The following SHPRH variants were observed in gnomAD, a reference collection of about 807,000 sequenced individuals.
SHPRH encodes SNF2 histone linker PHD RING helicase, also known as E3 ubiquitin-protein ligase SHPRH.
A neutral mutation model predicts 202.5 loss-of-function variants in SHPRH; 106 were observed. The ratio of observed to expected loss-of-function variants is 0.52; its 90% CI spans 0.45 to 0.62. SHPRH has a LOEUF of 0.62. Ranked by LOEUF, SHPRH falls within the 20% of genes least tolerant of loss-of-function variation. The pLI is 0.00. For missense variants in SHPRH, 1,710 were observed against 2,020.0 expected (o/e 0.85, Z 2.94); for synonymous variants, 729 against 686.0 (o/e 1.06, Z -0.98).
At chr6:145,961,159 A>G (rs1030833766) in intron 1 of SHPRH, among the ~76,000 whole-genome samples, 4 of 152,164 alleles carry the variant, frequency 2.6e-5, no homozygotes, top group African/African-American at 9.7e-5. Flanking sequence ...GCTCTAAACC[A>G]CATTTCACAA....
Position 145,934,777 on chromosome 6 carries a change from C to T in SHPRH, c.2990+130G>A, listed in dbSNP as rs1361449096. ...CTCCGTTGCAAATGAGCTTCCATAC[C>T]AAAGAAAACCCTCTACACCATTAAA... On this transcript the variant is annotated intron_variant, in intron 13 of 29. Coordinates refer to ENST00000275233, the MANE Select transcript of SHPRH (RefSeq NM_001042683.3). The T allele has an allele frequency of 1.1e-5, 9 of 825,142 alleles. No individual in the cohort carries two copies. The East Asian group carries it at 2.1e-4, about 19-fold the overall frequency. The allele number at this position is 825,142 out of a possible 1,614,324, so 51.1% of individuals were successfully genotyped here.
chr6:145,867,629 TATAG>T (rs1388096745), intron 2 of SHPRH, among the ~76,000 whole-genome samples: 226 of 43,874 alleles, frequency 5.2e-3, no homozygotes, highest in African/African-American at 7.0e-3. Flanking sequence ...TATATATATA[TATAG>T]AGAGAGAGAG....
At chr6:145,897,496 A>G (rs981826012) in intron 25 of SHPRH, among the ~76,000 whole-genome samples, 2 of 152,168 alleles carry the variant, frequency 1.3e-5, no homozygotes, top group Admixed American at 6.6e-5. Flanking sequence ...TTGAACTTTT[A>G]TAAAAAACTG....
chr6:145,963,197 G>C (rs937641432), intron 1 of SHPRH, among the ~76,000 whole-genome samples: 4 of 152,180 alleles, frequency 2.6e-5, no homozygotes, highest in Non-Finnish European at 5.9e-5. Flanking sequence ...TCTCCAGCAT[G>C]TTTACTAATC....
chr6:145,874,232 A>AT (rs1441580784), intron 2 of SHPRH, among the ~76,000 whole-genome samples: 44 of 150,044 alleles, frequency 2.9e-4, no homozygotes, highest in African/African-American at 1.0e-3. Context: ...AATAATAATA[A>AT]TAATAATGTG....
chr6:145,945,639 TAAATGTAA>T lies in SHPRH; in HGVS notation c.1322-10_1322-3del. 6.2e-7 allele frequency: 1 copy of T among 1,600,360 alleles called. No homozygotes were observed. The highest frequency in any genetic ancestry group is 8.5e-7 in the Non-Finnish European group (1 of 1,175,270). On this transcript the variant is annotated splice_region_variant and splice_polypyrimidine_tract_variant and intron_variant, in intron 7 of 29. Coordinates refer to ENST00000275233, the MANE Select transcript of SHPRH (RefSeq NM_001042683.3). ...CTGTCAGTATCATCACACGTGTAGC[TAAATGTAA>T]AAGGATATGCTAAATCAGTCAAAAT...
At chr6:145,896,814 A>C (rs541604525) in intron 25 of SHPRH, among the ~76,000 whole-genome samples, 2 of 152,236 alleles carry the variant, frequency 1.3e-5, no homozygotes, top group African/African-American at 4.8e-5. Context: ...TCAATGAAGC[A>C]ATTAAAAGGA....
chr6:145,907,298 A>AC (rs1290753394), intron 25 of SHPRH: 2 of 151,840 alleles, frequency 1.3e-5, no homozygotes, highest in African/African-American at 4.8e-5. Context: ...GAATATACCC[A>AC]CTTCTCTCCA....
At chr6:145,913,600 A>C (rs1456682931) in intron 23 of SHPRH, 51 bp from the exon 24 acceptor site, 1 of 1,481,720 alleles carries the variant, frequency 6.7e-7, no homozygotes, top group African/African-American at 1.4e-5. Context: ...TACATATAAA[A>C]CCTGATATAT....
intron 15 of SHPRH, 68 bp downstream of exon 15, chr6:145,927,121 C>T (rs995397277): frequency 2.1e-6 from 3 of 1,405,756 alleles, no homozygotes; most frequent in Non-Finnish European, 3.0e-6. Context: ...TCCTCTTAAA[C>T]ATTCAGAAAA....
intron 23 of SHPRH, among the ~76,000 whole-genome samples, chr6:145,916,086 C>A (rs1783926576): frequency 6.6e-6 from 1 of 151,990 alleles, no homozygotes; most frequent in African/African-American, 2.4e-5. Flanking sequence ...TTGTACTGTA[C>A]TTGAGTTCAT....
intron 28 of SHPRH, 108 bp from the exon 29 acceptor site, chr6:145,888,208 G>T: frequency 1.4e-6 from 1 of 731,610 alleles, no homozygotes. Context: ...GTGCCCACTT[G>T]TGGCAGGTGC....
chr6:145,914,294 T>C (rs1027263637), intron 23 of SHPRH, among the ~76,000 whole-genome samples: 2 of 152,138 alleles, frequency 1.3e-5, no homozygotes. Flanking sequence ...CTTTTTGAGA[T>C]AGTCTCATGG....
chr6:145,949,653 A>G (rs756936470), intron 4 of SHPRH, among the ~76,000 whole-genome samples: 14 of 151,980 alleles, frequency 9.2e-5, no homozygotes, highest in Admixed American at 6.6e-5. Context: ...GGGTATACTA[A>G]AAGCCCAGAC....
chr6:145,948,311 G>A lies in SHPRH; in HGVS notation c.1022C>T (p.Ser341Phe). 6.2e-7 allele frequency: 1 copy of A among 1,605,298 alleles called. No homozygotes were observed. The highest frequency in any genetic ancestry group is 8.5e-7 in the Non-Finnish European group (1 of 1,175,420). Residue 341 changes from serine (S) to phenylalanine (F), a missense_variant, in exon 5 of 30, where the codon TCT becomes TTT. By Grantham distance (155) the Ser-to-Phe change is radical. Transcript: ENST00000275233. ...LHFLWREIVT[S>F]EGLKLYYNPY... ...ATTATAGTAGAGTTTCAGACCCTCA[G>A]ATGTAACAATCTCTCGCCATAAGAA... is the stretch of plus-strand genomic sequence containing the variant.
rs751969459 is a variant in SHPRH at position 145,935,166 on chromosome 6, G to A, written c.2734-3C>T. Reference sequence around the variant, plus strand: ...TCGGTTTGTGGTGGTATTTGGATCTGTGAAAAGGAGCAGAAAAAAAAAAAA... The same window carrying A: ...TCGGTTTGTGGTGGTATTTGGATCTATGAAAAGGAGCAGAAAAAAAAAAAA... On this transcript the variant is annotated splice_polypyrimidine_tract_variant and splice_region_variant and intron_variant, in intron 12 of 29. Transcript: ENST00000275233. 15 of 1,601,270 alleles carry A rather than the reference G, an allele frequency of 9.4e-6. No homozygotes were observed. The highest frequency in any genetic ancestry group is 1.2e-5 in the Non-Finnish European group (14 of 1,176,028).
chr6:145,930,942 C>T (rs997785319), intron 14 of SHPRH, among the ~76,000 whole-genome samples: 2 of 152,056 alleles, frequency 1.3e-5, no homozygotes, highest in Admixed American at 1.3e-4. Context: ...TAAAGTAACA[C>T]CCTTTATCCT....
At chr6:145,890,107 C>T (rs2079189655) in intron 28 of SHPRH, among the ~76,000 whole-genome samples, 1 of 152,118 alleles carries the variant, frequency 6.6e-6, no homozygotes, top group Non-Finnish European at 1.5e-5. Context: ...CTCTTGATCT[C>T]ATTCTCTTCC....
chr6:145,934,115 G>C (rs952779169), intron 13 of SHPRH, among the ~76,000 whole-genome samples: 3 of 152,066 alleles, frequency 2.0e-5, no homozygotes, highest in African/African-American at 7.2e-5. Flanking sequence ...GAGACAGGAG[G>C]ACTGCTTGGG....
Sources: gnomAD v4.1 joint callset for allele counts (sites outside exome capture counted in the v4.1 genomes callset) on GRCh38, gnomAD v4.1.1 for gene constraint, MANE v1.5 for transcripts, NCBI Gene and HGNC (gene_info 2026-07-23, HGNC 2026-07-21) for gene names.